MED12L: variants seen among roughly 807,000 people sequenced by gnomAD.
The protein encoded by MED12L is mediator of RNA polymerase II transcription subunit 12-like protein.
A neutral mutation model predicts 281.3 loss-of-function variants in MED12L; 60 were observed. The observed-to-expected ratio is 0.21, with a 90% CI of 0.17 to 0.26. The LOEUF is 0.26. MED12L is among the 10% of genes least tolerant of loss of function. The pLI is 1.00. For missense variants in MED12L, 2,146 were observed against 2,680.9 expected (o/e 0.80, Z 4.41); for synonymous variants, 974 against 987.2 (o/e 0.99, Z 0.25).
At chr3:151,319,945 G>C (rs1304881785) in intron 16 of MED12L, among the ~76,000 whole-genome samples, 2 of 152,116 alleles carry the variant, frequency 1.3e-5, no homozygotes, top group Middle Eastern at 3.2e-3. Flanking sequence ...ATCTTCGAAG[G>C]AATTAAAATA....
chr3:151,213,864 G>A (rs1431763793), intron 16 of MED12L: 1 of 1,613,728 alleles, frequency 6.2e-7, no homozygotes, highest in African/African-American at 1.3e-5. Context: ...GAACAGCAAG[G>A]AGGAGCATGA....
intron 16 of MED12L, among the ~76,000 whole-genome samples, chr3:151,322,341 A>G (rs2149827924): frequency 6.6e-6 from 1 of 152,026 alleles, no homozygotes; most frequent in East Asian, 1.9e-4. Context: ...GCATGCCACC[A>G]GGCCCAGGTA....
rs66791814 is a variant in MED12L at position 151,435,062 on chromosome 3, C to CTTTTTTTTT, written c.*2270_*2278dup. The CTTTTTTTTT allele has an allele frequency of 2.9e-3, 343 of 118,826 alleles. No homozygotes were observed. The highest frequency in any genetic ancestry group is 5.0e-3 in the Middle Eastern group (1 of 200). 7.4% of individuals were successfully genotyped at this position (118,826 alleles called of 1,614,324 possible). A position where few individuals can be genotyped will look rare whatever the true frequency, so the allele number is the denominator to read the frequency against. ...GTTAATTCTGTATCTTGAGAGGTTT[C>CTTTTTTTTT]TTTTTTTTTTTTTTTTTTTTCTTTT... is the stretch of plus-strand genomic sequence containing the variant. On this transcript the variant is annotated 3_prime_UTR_variant, in exon 45 of 45. Transcript: ENST00000687756.
intron 5 of MED12L, among the ~76,000 whole-genome samples, chr3:151,152,390 C>T (rs184335923): frequency 5.9e-5 from 9 of 152,170 alleles, no homozygotes; most frequent in Admixed American, 2.0e-4. Flanking sequence ...GTGTGAGCCA[C>T]CGCCTGGCCC....
At position 151,198,509 on chromosome 3, in the gene MED12L, C is replaced by T. The variant is rs199881811; in HGVS notation, c.2250+4843C>T. Reference sequence around the variant, plus strand: ...GGCAAAAGTCTCAGTGACCTTTGAGCGGAATGCTTTTGAGAGGTGATAGTA... The same window carrying T: ...GGCAAAAGTCTCAGTGACCTTTGAGTGGAATGCTTTTGAGAGGTGATAGTA... On this transcript the variant is annotated intron_variant, in intron 16 of 44. Coordinates refer to ENST00000687756, the MANE Select transcript of MED12L (RefSeq NM_001393769.1). 4.6e-5 allele frequency: 75 copies of T among 1,613,284 alleles called. No individual in the cohort carries two copies. The highest frequency in any genetic ancestry group is 6.7e-5 in the African/African-American group (5 of 74,862).
Position 151,432,892 on chromosome 3 carries a change from C to A in MED12L, c.*88C>A, listed in dbSNP as rs1407804485. On this transcript the variant is annotated 3_prime_UTR_variant, in exon 45 of 45. Transcript: ENST00000687756. ...ATGCATTAGTCATCTTAAAAATGTC[C>A]CTTTTTTTCATTTCTTTGACATTTT... 1.0e-6 allele frequency: 1 copy of A among 963,904 alleles called. No homozygotes were observed. The highest frequency in any genetic ancestry group is 1.7e-5 in the African/African-American group (1 of 60,176). The allele number at this position is 963,904 out of a possible 1,614,324, so 59.7% of individuals were successfully genotyped here.
chr3:151,426,715 A>C (rs966338356), intron 43 of MED12L, among the ~76,000 whole-genome samples: 1 of 152,180 alleles, frequency 6.6e-6, no homozygotes. Context: ...AAATATTGTT[A>C]TGTTTAGTAC....
chr3:151,177,417 C>T (rs955604791), intron 11 of MED12L, among the ~76,000 whole-genome samples: 1 of 152,174 alleles, frequency 6.6e-6, no homozygotes, highest in Non-Finnish European at 1.5e-5. Flanking sequence ...TTCTTTGAAC[C>T]TCAGTTTTCT....
chr3:151,185,916 A>C (rs1224636439), intron 12 of MED12L, among the ~76,000 whole-genome samples: 2 of 152,174 alleles, frequency 1.3e-5, no homozygotes, highest in Non-Finnish European at 2.9e-5. Context: ...TTTCTTTGCT[A>C]TATTGAAATA....
intron 16 of MED12L, among the ~76,000 whole-genome samples, chr3:151,218,443 T>A (rs765711811): frequency 6.6e-6 from 1 of 152,248 alleles, no homozygotes; most frequent in Non-Finnish European, 1.5e-5. Flanking sequence ...TTACTTCTGG[T>A]ATTATCACTG....
chr3:151,386,148 G>T (rs1317280092), intron 36 of MED12L, among the ~76,000 whole-genome samples: 2 of 152,172 alleles, frequency 1.3e-5, no homozygotes, highest in Non-Finnish European at 2.9e-5. Context: ...GAAAGAATCA[G>T]ATTTACCAGG....
intron 2 of MED12L, among the ~76,000 whole-genome samples, chr3:151,096,590 G>C (rs1720745571): frequency 6.6e-6 from 1 of 152,188 alleles, no homozygotes; most frequent in African/African-American, 2.4e-5. Flanking sequence ...AAGCATTTTG[G>C]TGGGAAGGGA....
At chr3:151,154,970 A>G (rs1216644044) in intron 5 of MED12L, among the ~76,000 whole-genome samples, 1 of 152,222 alleles carries the variant, frequency 6.6e-6, no homozygotes, top group East Asian at 1.9e-4. Context: ...TCCAGCGTGC[A>G]TTTGAATTTG....
At chr3:151,141,568 A>G (rs1471365947) in intron 5 of MED12L, among the ~76,000 whole-genome samples, 1 of 152,204 alleles carries the variant, frequency 6.6e-6, no homozygotes, top group Non-Finnish European at 1.5e-5. Context: ...TCATATAGGA[A>G]ATAATGGATC....
chr3:151,436,635 ACTT>A lies in MED12L; in HGVS notation c.*3836_*3838del, dbSNP rs1720257480. On this transcript the variant is annotated 3_prime_UTR_variant, in exon 45 of 45. Coordinates refer to ENST00000687756, the MANE Select transcript of MED12L (RefSeq NM_001393769.1). ...CATGCCTATGGCTGCCTTTGATTAA[ACTT>A]CTTCCAAAAAATAAATTCTGCCCAG... 2.3e-6 allele frequency: 3 copies of A among 1,319,082 alleles called. No homozygotes were observed. The highest frequency in any genetic ancestry group is 1.5e-5 in the African/African-American group (1 of 67,978). The allele number at this position is 1,319,082 out of a possible 1,614,324, so 81.7% of individuals were successfully genotyped here. A position where few individuals can be genotyped will look rare whatever the true frequency, so the allele number is the denominator to read the frequency against.
chr3:151,086,657 A>C, intron 1 of MED12L, 141 bp from the exon 2 acceptor site: 1 of 327,106 alleles, frequency 3.1e-6, no homozygotes. Flanking sequence ...GCCGACCTCT[A>C]GTCCCTCCGC....
At chr3:151,089,200 A>T (rs1190088196) in intron 2 of MED12L, among the ~76,000 whole-genome samples, 2 of 152,224 alleles carry the variant, frequency 1.3e-5, no homozygotes, top group Non-Finnish European at 2.9e-5. Context: ...TATAAAATTT[A>T]TATCAAATCA....
At chr3:151,212,912 A>G (rs945471241) in intron 16 of MED12L, 1 of 153,944 alleles carries the variant, frequency 6.5e-6, no homozygotes, top group Non-Finnish European at 1.4e-5. Flanking sequence ...TACATACTAG[A>G]TTCTGGTATT....
intron 16 of MED12L, among the ~76,000 whole-genome samples, chr3:151,234,202 G>C (rs1044670308): frequency 6.6e-6 from 1 of 152,190 alleles, no homozygotes; most frequent in Non-Finnish European, 1.5e-5. Flanking sequence ...ACAGGAGAAT[G>C]GGTAAAAAAC....
Sources: allele counts gnomAD v4.1 joint callset (sites outside exome capture counted in the v4.1 genomes callset), GRCh38; gene constraint gnomAD v4.1.1; transcripts MANE v1.5; gene names NCBI Gene and HGNC (gene_info 2026-07-23, HGNC 2026-07-21).